ROCK2: variants seen among roughly 807,000 people sequenced by gnomAD.
The protein encoded by ROCK2 is Rho associated coiled-coil containing protein kinase 2, also known as rho-associated protein kinase 2.
ROCK2 carries 61 observed loss-of-function variants against 195.1 expected under a neutral mutation model. The ratio of observed to expected loss-of-function variants is 0.31; its 90% CI spans 0.25 to 0.39. ROCK2 has a LOEUF of 0.39. Among genes scored for constraint, ROCK2 ranks in the 10% least tolerant of loss-of-function variants. The pLI is 1.00. For missense variants in ROCK2, 1,109 were observed against 1,637.4 expected (o/e 0.68, Z 5.57); for synonymous variants, 504 against 545.5 (o/e 0.92, Z 1.06).
At position 11,211,664 on chromosome 2, in the gene ROCK2, C is replaced by T. The variant is rs1213996935; in HGVS notation, c.2203+17G>A. On this transcript the variant is annotated intron_variant, in intron 18 of 32. Transcript: ENST00000315872. Reference sequence around the variant, plus strand: ...TAGGAAGACGCTGCTGGAAAACCCTCTTTAAAAAATGCATACCTTTCATGG... The same window carrying T: ...TAGGAAGACGCTGCTGGAAAACCCTTTTTAAAAAATGCATACCTTTCATGG... The T allele has an allele frequency of 2.6e-6, 4 of 1,565,864 alleles. No individual in the cohort carries two copies. Among genetic ancestry groups the T allele is most frequent in the Non-Finnish European group, 3.5e-6 (4 of 1,155,472 alleles).
intron 4 of ROCK2, among the ~76,000 whole-genome samples, chr2:11,243,279 T>G (rs891763860): frequency 6.6e-6 from 1 of 152,184 alleles, no homozygotes; most frequent in Non-Finnish European, 1.5e-5. Flanking sequence ...ATTTCCTCAT[T>G]TTGCAGCAGC....
intron 3 of ROCK2, among the ~76,000 whole-genome samples, chr2:11,278,313 T>C (rs1345853937): frequency 6.6e-6 from 1 of 152,230 alleles, no homozygotes; most frequent in African/African-American, 2.4e-5. Flanking sequence ...TATCATGTGG[T>C]ATTCTTTCTG....
At chr2:11,339,530 GA>G (rs1317219755) in intron 1 of ROCK2, among the ~76,000 whole-genome samples, 3,223 of 52,328 alleles carry the variant, frequency 0.062, 56 homozygotes, top group East Asian at 0.2. Context: ...TTCCATAACA[GA>G]AAAAAAAAAA....
intron 1 of ROCK2, among the ~76,000 whole-genome samples, chr2:11,339,494 G>A (rs747777939): frequency 1.5e-4 from 23 of 149,432 alleles, no homozygotes; most frequent in Non-Finnish European, 2.7e-4. Context: ...ATTCACGTGA[G>A]CTCCAGAAAT....
chr2:11,235,799 C>T lies in ROCK2; in HGVS notation c.626G>A (p.Gly209Asp), dbSNP rs752680185. 4 of 1,613,878 alleles carry T rather than the reference C, an allele frequency of 2.5e-6. No homozygotes were observed. Among genetic ancestry groups the T allele is most frequent in the Non-Finnish European group, 1.7e-6 (2 of 1,179,968 alleles). Residue 209 changes from glycine to aspartate, a missense_variant, in exon 5 of 33, where the codon GGT (glycine) becomes GAT (aspartate). Around this residue, in one of 6 missense-constraint regions of ROCK2, gnomAD observed 253 missense variants for 455.5 expected, o/e 0.56. Transcript: ENST00000315872. This position sits in a 1 kb window ranked among gnomAD's most constrained non-coding sequence, Gnocchi z 4.2. ...AGGCTTCACATCTCTGTGTATTAAA[C>T]CCATGGAGTGTATTGCATCCAGAGC... is the stretch of plus-strand genomic sequence containing the variant. ...VLALDAIHSMGLIHRDVKPDN... is the reference protein window; with the variant it reads ...VLALDAIHSMDLIHRDVKPDN...
chr2:11,288,404 G>A (rs1367572690), intron 1 of ROCK2, among the ~76,000 whole-genome samples: 2 of 152,178 alleles, frequency 1.3e-5, no homozygotes, highest in Non-Finnish European at 2.9e-5. Flanking sequence ...AAGGTAGCAC[G>A]ATTTCTAAAA....
In ROCK2 at chr2:11,235,664, C is replaced by G. The variant is rs1657760882; in HGVS notation, c.723+38G>C. Reference sequence around the variant, plus strand: ...TAAAGTATTTCATTTATTTCTGTCCCTCAAAACACTATCGTTTTAAATAAT... The same window carrying G: ...TAAAGTATTTCATTTATTTCTGTCCGTCAAAACACTATCGTTTTAAATAAT... On this transcript the variant is annotated intron_variant, in intron 5 of 32. Transcript: ENST00000315872. The surrounding 1 kb of genome is among the most constrained non-coding windows in gnomAD (Gnocchi z 4.2). 1 of 1,564,452 alleles carries G rather than the reference C, an allele frequency of 6.4e-7. No homozygotes were observed. The highest frequency in any genetic ancestry group is 8.7e-7 in the Non-Finnish European group (1 of 1,155,554).
chr2:11,296,009 A>AGAGAGAGAGAGAGGG (rs1667519326), intron 1 of ROCK2, among the ~76,000 whole-genome samples: 1 of 101,290 alleles, frequency 9.9e-6, no homozygotes, highest in Non-Finnish European at 2.1e-5. Flanking sequence ...GAGAGAGGAG[A>AGAGAGAGAGAGAGGG]GAGAGAGAGA....
chr2:11,204,403 C>T lies in ROCK2; in HGVS notation c.2550-2282G>A, dbSNP rs149539824. Among the ~76,000 whole-genome samples, 244 of 152,252 alleles carry T rather than the reference C, an allele frequency of 1.6e-3. No individual in the cohort carries two copies. The Middle Eastern group carries it at 0.041, about 25-fold the overall frequency. On this transcript the variant is annotated intron_variant, in intron 20 of 32. Transcript: ENST00000315872. ...TATCCTGTCATTGTTTTTGAAATTT[C>T]ATGAGAATATGTCTAGATATAGATC...
intron 3 of ROCK2, among the ~76,000 whole-genome samples, chr2:11,285,085 A>G (rs541786501): frequency 6.6e-6 from 1 of 152,154 alleles, no homozygotes; most frequent in Non-Finnish European, 1.5e-5. Flanking sequence ...CAACATGGAG[A>G]AACCCTGTCT....
At chr2:11,243,232 T>C (rs918441852) in intron 4 of ROCK2, among the ~76,000 whole-genome samples, 4 of 152,232 alleles carry the variant, frequency 2.6e-5, no homozygotes, top group Non-Finnish European at 5.9e-5. Flanking sequence ...AAAACCTGAT[T>C]GGGATCTGAA....
intron 4 of ROCK2, among the ~76,000 whole-genome samples, chr2:11,236,479 C>T (rs563695993): frequency 2.8e-4 from 43 of 152,172 alleles, no homozygotes; most frequent in Middle Eastern, 6.8e-3. Flanking sequence ...ATTTGGAAGA[C>T]GCGTAACTCT....
intron 1 of ROCK2, among the ~76,000 whole-genome samples, chr2:11,313,192 G>A (rs1668089486): frequency 6.6e-6 from 1 of 152,018 alleles, no homozygotes. Flanking sequence ...ACTAAGGTAC[G>A]ATGTTAATAA....
rs578262725 is a variant in ROCK2 at position 11,243,409 on chromosome 2, C to T, written c.462+6252G>A. Among the ~76,000 whole-genome samples, 30 of 152,230 alleles carry T rather than the reference C, an allele frequency of 2.0e-4. No homozygotes were observed. The East Asian group carries it at 4.2e-3, about 22-fold the overall frequency. On this transcript the variant is annotated intron_variant, in intron 4 of 32. Transcript: ENST00000315872. The stretch of plus-strand genomic sequence containing the variant: ...TTAGAAATGATTAACCTGTAACTAT[C>T]AAAAGAAGAATTTTAAAATTTTCTG...
intron 3 of ROCK2, among the ~76,000 whole-genome samples, chr2:11,282,324 C>T (rs779271751): frequency 6.6e-6 from 1 of 152,026 alleles, no homozygotes; most frequent in Non-Finnish European, 1.5e-5. Flanking sequence ...GCACTCCAGC[C>T]TGCGCAACAG....
rs960307190 is a variant in ROCK2, at chr2:11,287,694, A to G, written c.184T>C (p.Leu62=). 7.6e-7 allele frequency: 1 copy of G among 1,320,892 alleles called. No individual in the cohort carries two copies. The highest frequency in any genetic ancestry group is 1.0e-6 in the Non-Finnish European group (1 of 987,262). 81.8% of individuals were successfully genotyped at this position (1,320,892 alleles called of 1,614,324 possible). ...TTATCTATGTTCTTGTTTTTCCTCA[A>G]AGCAGGAAAATCTAAATCAAGGACC... ...SLVLDLDFPA[L]RKNKNIDNFL... The change falls in exon 2 of 33, where the codon TTG becomes CTG. Residue 62 remains leucine, a synonymous_variant. Coordinates refer to ENST00000315872, the MANE Select transcript of ROCK2 (RefSeq NM_004850.5).
Position 11,193,750 on chromosome 2 carries a change from CAACCAAATATAAACAA to C in ROCK2, c.3687+13_3687+28del. 7.2e-7 allele frequency: 1 copy of C among 1,382,324 alleles called. No individual in the cohort carries two copies. The highest frequency in any genetic ancestry group is 1.0e-6 in the Non-Finnish European group (1 of 996,232). The allele number at this position is 1,382,324 out of a possible 1,614,324, so 85.6% of individuals were successfully genotyped here. A position where few individuals can be genotyped will look rare whatever the true frequency, so the allele number is the denominator to read the frequency against. The stretch of plus-strand genomic sequence containing the variant: ...GTGAAAAAAACAAAACAAAGCCAAC[CAACCAAATATAAACAA>C]AACTATGTTTACCTGGAATATCCTT... On this transcript the variant is annotated intron_variant, in intron 30 of 32. Coordinates refer to ENST00000315872, the MANE Select transcript of ROCK2 (RefSeq NM_004850.5).
At chr2:11,286,894 T>C (rs932593926) in intron 2 of ROCK2, among the ~76,000 whole-genome samples, 1 of 152,274 alleles carries the variant, frequency 6.6e-6, no homozygotes, top group Non-Finnish European at 1.5e-5. Context: ...TGTTTCTGAT[T>C]CTGTTGCTTA....
At chr2:11,305,464 C>A (rs1035210861) in intron 1 of ROCK2, among the ~76,000 whole-genome samples, 44 of 152,156 alleles carry the variant, frequency 2.9e-4, no homozygotes, top group Non-Finnish European at 4.0e-4. Flanking sequence ...CACACACACA[C>A]ACACACACAC....
Sources: gnomAD v4.1 joint callset for allele counts (sites outside exome capture counted in the v4.1 genomes callset) on GRCh38, gnomAD v4.1.1 for gene constraint, gnomAD v4.1.1 regional missense constraint, Gnocchi (gnomAD v3.1) non-coding constraint, MANE v1.5 for transcripts, NCBI Gene and HGNC (gene_info 2026-07-23, HGNC 2026-07-21) for gene names.